Variants in ZNF232 observed in about 807,000 individuals in gnomAD.
The protein encoded by ZNF232 is zinc finger protein 232.
In ZNF232, 25 loss-of-function variants were observed where a neutral mutation model predicts 25.2. The observed-to-expected ratio is 0.99, with a 90% confidence interval of 0.72 to 1.39. The LOEUF (loss-of-function observed/expected upper bound fraction) is 1.39. ZNF232 is among the 40% of genes most tolerant of loss of function. ZNF232 has a pLI of 0.00. For synonymous variants in ZNF232, 193 were observed against 182.9 expected, an observed-to-expected ratio of 1.06 and a Z score of -0.45; for missense variants, 519 against 520.9, an observed-to-expected ratio of 1.00 and a Z score of 0.04.
chr17:5,114,477 A>G (rs9912347), upstream of ZNF232: 56,421 of 152,128 alleles, frequency 0.37, 12,668 homozygotes, highest in Non-Finnish European at 0.51. Flanking sequence ...TCTTTCCCAC[A>G]CCCAATGCAT....
At chr17:5,107,852 TA>T (rs2072299212) in intron 3 of ZNF232, among the ~76,000 whole-genome samples, 1 of 152,174 alleles carries the variant, frequency 6.6e-6, no homozygotes, top group African/African-American at 2.4e-5. Context: ...TTTGATTTTT[TA>T]AAAATTCATT....
exon 4 of ZNF232, chr17:5,106,398 G>C (rs761325328): frequency 3.7e-6 from 6 of 1,614,100 alleles, no homozygotes; most frequent in Non-Finnish European, 5.1e-6. Flanking sequence ...TTCAAATGTA[G>C]AGGTGTCAGT....
exon 2 of ZNF232, chr17:5,109,709 A>C: frequency 6.2e-7 from 1 of 1,614,090 alleles, no homozygotes; most frequent in East Asian, 2.2e-5. Context: ...TCTCATACTC[A>C]CAAGACTGTT....
At chr17:5,122,810 G>A (rs998100926) in intron 1 of ZNF232, among the ~76,000 whole-genome samples, 5 of 152,236 alleles carry the variant, frequency 3.3e-5, no homozygotes, top group African/African-American at 1.2e-4. Context: ...CGGTGGGTAG[G>A]GCGCGGAGAG....
exon 2 of ZNF232, chr17:5,109,725 T>A: frequency 6.2e-7 from 1 of 1,614,098 alleles, no homozygotes; most frequent in Non-Finnish European, 8.5e-7. Context: ...CTGTTCCTCT[T>A]CCTTTGGTCC....
exon 2 of ZNF232, chr17:5,109,441 C>T: frequency 6.2e-7 from 1 of 1,614,054 alleles, no homozygotes; most frequent in Non-Finnish European, 8.5e-7. Context: ...AGCACAGTCA[C>T]AGCCTCCTCT....
upstream of ZNF232, chr17:5,112,016 G>T (rs2072428575): frequency 9.0e-6 from 7 of 773,872 alleles, no homozygotes; most frequent in African/African-American, 1.8e-5. Flanking sequence ...GACTTGAGCG[G>T]AGCGAGAAAG....
At chr17:5,106,286 G>A (rs1250870842) in exon 4 of ZNF232, 3 of 1,614,110 alleles carry the variant, frequency 1.9e-6, no homozygotes, top group East Asian at 2.2e-5. Context: ...CCTTATGGAT[G>A]ACAACCATCT....
exon 2 of ZNF232, chr17:5,109,826 C>G (rs772027643): frequency 6.2e-7 from 1 of 1,613,904 alleles, no homozygotes; most frequent in African/African-American, 1.3e-5. Context: ...TCTGCACTAG[C>G]TCTGCAGAAG....
chr17:5,107,453 A>AGCACATTT (rs2072288603), intron 3 of ZNF232, among the ~76,000 whole-genome samples: 1 of 150,542 alleles, frequency 6.6e-6, no homozygotes, highest in South Asian at 2.1e-4. Flanking sequence ...AAATGTCCAT[A>AGCACATTT]GCACATTTTA....
intron 1 of ZNF232, chr17:5,120,752 G>C (rs894435162): frequency 6.3e-5 from 28 of 441,246 alleles, no homozygotes; most frequent in African/African-American, 5.6e-4. Flanking sequence ...TGGTGGAGAA[G>C]AGCTACAAGG....
At chr17:5,108,012 A>G (rs910161397) in intron 3 of ZNF232, among the ~76,000 whole-genome samples, 1 of 152,246 alleles carries the variant, frequency 6.6e-6, no homozygotes. Context: ...TAAAGGAGAC[A>G]AGAAAAAGTC....
chr17:5,122,233 C>T lies in ZNF232; in HGVS notation c.-530+744G>A, dbSNP rs935475506. ...CTGGATGCCTGGATCTCAGGGTAAG[C>T]GTGACTCACAGTCAGGACTCAGTAA... On this transcript the variant is annotated intron_variant, in intron 1 of 4. Transcript: ENST00000250076. Among the ~76,000 whole-genome samples the T allele has an allele frequency of 6.6e-5, 10 of 151,972 alleles. No homozygotes were observed. The South Asian group carries it at 1.0e-3, about 16-fold the overall frequency.
At chr17:5,107,929 A>AT (rs2072301472) in intron 3 of ZNF232, among the ~76,000 whole-genome samples, 1 of 152,002 alleles carries the variant, frequency 6.6e-6, no homozygotes, top group African/African-American at 2.4e-5. Context: ...AAAAAAAATC[A>AT]CACAATAGCT....
upstream of ZNF232, among the ~76,000 whole-genome samples, chr17:5,113,105 C>G (rs1273467656): frequency 6.6e-6 from 1 of 152,206 alleles, no homozygotes; most frequent in African/African-American, 2.4e-5. Context: ...ACCATAGTAA[C>G]AGTTCTCAGA....
chr17:5,118,054 G>A (rs1043523763), intron 1 of ZNF232: 1 of 149,496 alleles, frequency 6.7e-6, no homozygotes, highest in Admixed American at 6.6e-5. Flanking sequence ...GGGCAACAGA[G>A]TGGGACTCCG....
intron 2 of ZNF232, 126 bp from the exon 3 acceptor site, chr17:5,109,178 A>G (rs1340426524): frequency 7.1e-7 from 1 of 1,411,690 alleles, no homozygotes; most frequent in Non-Finnish European, 9.7e-7. Context: ...GACTTTAGAG[A>G]GCCTCCTCAG....
chr17:5,115,576 A>ACACACACACACAC (rs1555584331), upstream of ZNF232, among the ~76,000 whole-genome samples: 1 of 150,736 alleles, frequency 6.6e-6, no homozygotes, highest in Non-Finnish European at 1.5e-5. Context: ...ACACACACAC[A>ACACACACACACAC]AAACCCAAAA....
rs562151993 is a variant in ZNF232, at chr17:5,110,182, G to A, written c.24-314C>T. Among the ~76,000 whole-genome samples the A allele has an allele frequency of 1.1e-4, 15 of 140,704 alleles. No homozygotes were observed. The South Asian group carries it at 1.7e-3, about 16-fold the overall frequency. 92.3% of individuals were successfully genotyped at this position (140,704 alleles called of 152,430 possible). A position where few individuals can be genotyped will look rare whatever the true frequency, so the allele number is the denominator to read the frequency against. ...GGTAGGATTACAGGCATGAGCCACCGCGCCCGTCCTCCTCTTCTTTTTTCA... is the reference window on the plus strand; with the variant it reads ...GGTAGGATTACAGGCATGAGCCACCACGCCCGTCCTCCTCTTCTTTTTTCA... On this transcript the variant is annotated intron_variant, in intron 1 of 3. Transcript: ENST00000575898.
Sources: allele counts gnomAD v4.1 joint callset (sites outside exome capture counted in the v4.1 genomes callset), GRCh38; gene constraint gnomAD v4.1.1; transcripts MANE v1.5; gene names NCBI Gene and HGNC (gene_info 2026-07-23, HGNC 2026-07-21).